Variants in KCNN2 observed in about 807,000 individuals in gnomAD.
KCNN2 encodes small conductance calcium-activated potassium channel protein 2.
KCNN2 carries 24 observed loss-of-function variants against 55.5 expected under a neutral mutation model. That is an observed-to-expected ratio of 0.43 (90% CI 0.31 to 0.61). The LOEUF is 0.61. Ranked by LOEUF, KCNN2 falls within the 20% of genes least tolerant of loss-of-function variation. The pLI is 0.08. For synonymous variants in KCNN2, 431 were observed against 336.1 expected (o/e 1.28, Z -3.09); for missense variants, 754 against 853.6 (o/e 0.88, Z 1.45).
rs781368451 is a variant in KCNN2 at position 114,362,830 on chromosome 5, G to C, written c.691G>C (p.Ala231Pro). Reference protein sequence around the residue: ...GVMRPLSNLSASRRNLHEMDS... With the variant: ...GVMRPLSNLSPSRRNLHEMDS... ...CATGCGGCCGCTCAGCAACTTGAGC[G>C]CGTCCCGCCGGAACCTGCACGAGAT... Residue 231 changes from alanine to proline, a missense_variant, in exon 1 of 8, where the codon GCG becomes CCG. Physicochemically the swap from Ala to Pro is conservative, Grantham distance 27. Coordinates refer to ENST00000673685, the MANE Select transcript of KCNN2 (RefSeq NM_021614.4). 6.3e-7 allele frequency: 1 copy of C among 1,599,284 alleles called. No homozygotes were observed. Among genetic ancestry groups the C allele is most frequent in the Non-Finnish European group, 8.5e-7 (1 of 1,178,326 alleles).
intron 2 of KCNN2, among the ~76,000 whole-genome samples, chr5:114,278,673 G>A (rs1755545584): frequency 6.6e-6 from 1 of 152,248 alleles, no homozygotes; most frequent in Non-Finnish European, 1.5e-5. Context: ...GACCTGCCAA[G>A]CCAGGCACAG....
At chr5:114,298,876 G>T (rs1756091998) in intron 2 of KCNN2, among the ~76,000 whole-genome samples, 2 of 152,048 alleles carry the variant, frequency 1.3e-5, no homozygotes, top group South Asian at 4.1e-4. Context: ...TTTTCATGGG[G>T]AATCTCTGTA....
At chr5:114,247,218 A>G (rs909789602) in intron 2 of KCNN2, among the ~76,000 whole-genome samples, 4 of 149,564 alleles carry the variant, frequency 2.7e-5, no homozygotes, top group African/African-American at 9.8e-5. Context: ...AAAAAAAAAA[A>G]AAAAAGAAAA....
At chr5:114,129,027 G>A (rs538734166) in intron 1 of KCNN2, among the ~76,000 whole-genome samples, 39 of 152,160 alleles carry the variant, frequency 2.6e-4, no homozygotes, top group Non-Finnish European at 7.3e-5. Flanking sequence ...TTTAATAAAG[G>A]ATAATTTACA....
chr5:114,277,664 C>T (rs146025979), intron 2 of KCNN2, among the ~76,000 whole-genome samples: 257 of 152,244 alleles, frequency 1.7e-3, no homozygotes, highest in African/African-American at 5.3e-3. Flanking sequence ...ACAAAGTTCT[C>T]GTACTGTGGT....
chr5:114,369,150 C>T (rs934627952), intron 2 of KCNN2, among the ~76,000 whole-genome samples: 5 of 152,166 alleles, frequency 3.3e-5, no homozygotes, highest in African/African-American at 1.2e-4. Flanking sequence ...GAGTTTATGT[C>T]TCTGCTTTCT....
At chr5:114,099,584 C>G (rs960502016) in intron 1 of KCNN2, among the ~76,000 whole-genome samples, 2 of 152,128 alleles carry the variant, frequency 1.3e-5, no homozygotes, top group African/African-American at 4.8e-5. Context: ...TCACGGGATC[C>G]TCCCTCCTCA....
intron 1 of KCNN2, among the ~76,000 whole-genome samples, chr5:114,177,855 C>A (rs115064482): frequency 0.016 from 2,422 of 152,044 alleles, 57 homozygotes; most frequent in African/African-American, 0.054. Flanking sequence ...AGGAAACAAA[C>A]CATTTTGATC....
At chr5:114,107,011 C>A (rs1438481413) in intron 1 of KCNN2, among the ~76,000 whole-genome samples, 1 of 151,996 alleles carries the variant, frequency 6.6e-6, no homozygotes, top group African/African-American at 2.4e-5. Context: ...TTTTACCTTT[C>A]ACATTTAAGT....
At chr5:114,377,555 G>C (rs1038781019) in intron 2 of KCNN2, among the ~76,000 whole-genome samples, 1 of 152,192 alleles carries the variant, frequency 6.6e-6, no homozygotes, top group African/African-American at 2.4e-5. Context: ...GCAGGGTGTG[G>C]GTGGCAGCAC....
chr5:114,143,650 C>T (rs1051137235), intron 1 of KCNN2, among the ~76,000 whole-genome samples: 2 of 152,216 alleles, frequency 1.3e-5, no homozygotes, highest in Admixed American at 6.5e-5. Flanking sequence ...ACCTCCGTGA[C>T]TGCACGTCCA....
intron 2 of KCNN2, among the ~76,000 whole-genome samples, chr5:114,255,869 T>A (rs140783235): frequency 2.4e-3 from 359 of 152,296 alleles, no homozygotes; most frequent in Admixed American, 3.1e-3. Context: ...TTTGTATTTT[T>A]ATCAATTTAG....
intron 3 of KCNN2, among the ~76,000 whole-genome samples, chr5:114,461,119 C>G (rs1228790780): frequency 6.6e-6 from 1 of 152,142 alleles, no homozygotes; most frequent in Non-Finnish European, 1.5e-5. Flanking sequence ...ATACGCATAG[C>G]AGGCTCCCAG....
chr5:114,236,323 T>G (rs564429966), intron 2 of KCNN2, among the ~76,000 whole-genome samples: 6 of 152,214 alleles, frequency 3.9e-5, no homozygotes, highest in Middle Eastern at 3.4e-3. Context: ...GAAAATAAAT[T>G]TTTCCTTCAT....
At chr5:114,100,561 A>AAT (rs1751353826) in intron 1 of KCNN2, among the ~76,000 whole-genome samples, 1 of 152,028 alleles carries the variant, frequency 6.6e-6, no homozygotes, top group Non-Finnish European at 1.5e-5. Flanking sequence ...TATCAGTATG[A>AAT]ATATATGTAT....
chr5:114,435,365 T>G (rs904649509), intron 3 of KCNN2, among the ~76,000 whole-genome samples: 1 of 152,202 alleles, frequency 6.6e-6, no homozygotes, highest in African/African-American at 2.4e-5. Context: ...CTCTGCTAGA[T>G]CTAAGAAAAT....
chr5:114,211,028 T>C (rs1753870814), intron 1 of KCNN2, among the ~76,000 whole-genome samples: 1 of 152,030 alleles, frequency 6.6e-6, no homozygotes, highest in Admixed American at 6.6e-5. Flanking sequence ...TTCACACCAG[T>C]CAGAATGGCA....
At chr5:114,136,366 CAG>C (rs1446703101) in intron 1 of KCNN2, among the ~76,000 whole-genome samples, 2 of 152,200 alleles carry the variant, frequency 1.3e-5, no homozygotes, top group African/African-American at 2.4e-5. Context: ...TGATGCAACA[CAG>C]AGGGCTTTGC....
In KCNN2 at chr5:114,273,101, C is replaced by A. The variant is rs140619751; in HGVS notation, c.-185+51536C>A. ...TCCATGTATTCTCATTGTTCAACTC[C>A]CACTTATGAGTGAGAACACATGGTG... is the stretch of plus-strand genomic sequence containing the variant. On this transcript the variant is annotated intron_variant, in intron 2 of 10. Transcript: ENST00000512097. 3.3e-5 allele frequency among the ~76,000 whole-genome samples: 5 copies of A among 152,230 alleles called. No homozygotes were observed. In the East Asian group the frequency reaches 9.7e-4, roughly 29 times the overall value.
Sources: gnomAD v4.1 joint callset for allele counts (sites outside exome capture counted in the v4.1 genomes callset) on GRCh38, gnomAD v4.1.1 for gene constraint, MANE v1.5 for transcripts, NCBI Gene and HGNC (gene_info 2026-07-23, HGNC 2026-07-21) for gene names.